DMD: variants seen among roughly 807,000 people sequenced by gnomAD.
DMD encodes dystrophin, also known as mutant dystrophin.
Under a neutral mutation model 330.1 loss-of-function variants are expected in DMD, and 63 were observed. That is an observed-to-expected ratio of 0.19 (90% confidence interval 0.16 to 0.24). The LOEUF (loss-of-function observed/expected upper bound fraction) is 0.24, where lower values mean the gene tolerates loss of function less well. Ranked by LOEUF, DMD falls within the 10% of genes least tolerant of loss-of-function variation. The pLI is 1.00. For missense variants in DMD, 3,344 were observed against 2,684.1 expected, an observed-to-expected ratio of 1.25 and a Z score of -5.43; for synonymous variants, 1,223 against 959.8, an observed-to-expected ratio of 1.27 and a Z score of -5.07.
At chrX:32,164,571 G>A (rs1348980238) in intron 44 of DMD, among the ~76,000 whole-genome samples, 1 of 111,923 alleles carries the variant, frequency 8.9e-6, no homozygotes, top group African/African-American at 3.2e-5. Context: ...AGGTCACAGA[G>A]CATAAAAGTT....
chrX:32,447,697 A>C (rs921827256), intron 27 of DMD, among the ~76,000 whole-genome samples: 2 of 111,930 alleles, frequency 1.8e-5, no homozygotes, highest in Non-Finnish European at 3.8e-5. Context: ...AAGGGGGCTT[A>C]AAGTCCAACT....
At chrX:32,856,028 G>A (rs968974118) in intron 2 of DMD, among the ~76,000 whole-genome samples, 3 of 112,054 alleles carry the variant, frequency 2.7e-5, no homozygotes, top group Non-Finnish European at 5.6e-5. Flanking sequence ...TTTCTCAAGA[G>A]ATGACACAAA....
intron 60 of DMD, among the ~76,000 whole-genome samples, chrX:31,379,026 T>C (rs1311229021): frequency 2.7e-5 from 3 of 110,679 alleles, no homozygotes; most frequent in Admixed American, 1.9e-4. Context: ...CCAGGCATTC[T>C]TTTACACATC....
At chrX:32,557,657 A>G (rs1461189962) in intron 16 of DMD, among the ~76,000 whole-genome samples, 1 of 111,936 alleles carries the variant, frequency 8.9e-6, no homozygotes, top group Non-Finnish European at 1.9e-5. Flanking sequence ...CCAACTCCAC[A>G]GGCATGGTAG....
intron 18 of DMD, among the ~76,000 whole-genome samples, chrX:32,503,622 C>G (rs2044289681): frequency 1.8e-5 from 2 of 111,356 alleles, no homozygotes; most frequent in Non-Finnish European, 3.8e-5. Context: ...GTGGCATGAT[C>G]TCAGCTCACT....
At chrX:32,132,262 G>A (rs1007572936) in intron 44 of DMD, among the ~76,000 whole-genome samples, 1 of 111,883 alleles carries the variant, frequency 8.9e-6, no homozygotes, top group Non-Finnish European at 1.9e-5. Context: ...TAAAAAATGT[G>A]CAAGGAAGCA....
intron 18 of DMD, among the ~76,000 whole-genome samples, chrX:32,515,486 C>T (rs112951240): frequency 8.1e-5 from 9 of 111,237 alleles, no homozygotes; most frequent in African/African-American, 2.9e-4. Flanking sequence ...TCAAGAGAAC[C>T]TCACAGAAGC....
intron 62 of DMD, among the ~76,000 whole-genome samples, chrX:31,316,642 T>A (rs2056037130): frequency 8.9e-6 from 1 of 112,108 alleles, no homozygotes; most frequent in Non-Finnish European, 1.9e-5. Context: ...TAACCTGAAT[T>A]GTTTTCATGA....
chrX:31,892,529 C>A, intron 47 of DMD, among the ~76,000 whole-genome samples: 2 of 110,994 alleles, frequency 1.8e-5, no homozygotes, highest in Middle Eastern at 4.7e-3. Context: ...GACAGGAATA[C>A]ATTCTGAGAG....
intron 44 of DMD, among the ~76,000 whole-genome samples, chrX:32,044,472 A>G (rs760825826): frequency 1.8e-4 from 20 of 109,521 alleles, no homozygotes; most frequent in African/African-American, 6.7e-4. Context: ...CCCAGGTTGG[A>G]GTGCAGTGGC....
chrX:31,480,423 C>T (rs2149262324), intron 57 of DMD, among the ~76,000 whole-genome samples: 1 of 111,176 alleles, frequency 9.0e-6, no homozygotes, highest in Admixed American at 9.6e-5. Flanking sequence ...AGGATTCAGC[C>T]TACAGATAGG....
chrX:32,976,938 G>A (rs958264022), intron 2 of DMD, among the ~76,000 whole-genome samples: 2 of 110,764 alleles, frequency 1.8e-5, no homozygotes, highest in African/African-American at 6.6e-5. Flanking sequence ...TACAAAAGAG[G>A]GTGTTCAGTC....
At chrX:32,027,164 GCACA>G (rs757441503) in intron 44 of DMD, among the ~76,000 whole-genome samples, 1 of 89,516 alleles carries the variant, frequency 1.1e-5, no homozygotes, top group Admixed American at 1.3e-4. Context: ...ACACGCACGT[GCACA>G]CACACACACA....
At chrX:31,802,650 C>T (rs758152487) in intron 50 of DMD, among the ~76,000 whole-genome samples, 8 of 111,400 alleles carry the variant, frequency 7.2e-5, no homozygotes, top group Non-Finnish European at 1.5e-4. Context: ...AGTGGTGCTA[C>T]AAAACCTGAA....
intron 1 of DMD, among the ~76,000 whole-genome samples, chrX:33,154,905 C>T (rs1015009642): frequency 8.9e-6 from 1 of 112,103 alleles, no homozygotes; most frequent in African/African-American, 3.2e-5. Flanking sequence ...AAAGTGAAAA[C>T]AATGACATTC....
intron 7 of DMD, among the ~76,000 whole-genome samples, chrX:32,765,687 T>C (rs1346642800): frequency 1.8e-5 from 2 of 111,965 alleles, no homozygotes; most frequent in African/African-American, 6.5e-5. Context: ...TGTTCATTCA[T>C]GCACAGAAGT....
rs747127624 is a variant in DMD at position 31,679,448 on chromosome X, C to T, written c.7799G>A (p.Arg2600Lys). The change falls in exon 53 of 79, where the codon AGA becomes AAA. Residue 2600 changes from arginine to lysine, a missense_variant. Transcript: ENST00000357033. ...CTCCTTCCATGACTCAAGCTTGGCT[C>T]TGGCCTGTCCTAAGACCTGCTCAGC... Reference protein sequence around the residue: ...EEAEQVLGQARAKLESWKEGP... With the variant: ...EEAEQVLGQAKAKLESWKEGP... 7 of 1,211,761 alleles carry T rather than the reference C, an allele frequency of 5.8e-6. No individual in the cohort carries two copies. The highest frequency in any genetic ancestry group is 6.7e-6 in the Non-Finnish European group (6 of 895,467).
At chrX:31,149,747 T>C (rs1026055718) in intron 74 of DMD, among the ~76,000 whole-genome samples, 15 of 112,136 alleles carry the variant, frequency 1.3e-4, no homozygotes, top group African/African-American at 4.2e-4. Context: ...TTTAATTATA[T>C]ACCAAAAGTT....
chrX:32,541,159 T>G (rs2048446630), intron 17 of DMD, among the ~76,000 whole-genome samples: 1 of 111,750 alleles, frequency 8.9e-6, no homozygotes, highest in African/African-American at 3.3e-5. Flanking sequence ...AAATTCTGTT[T>G]TGAAGAGGAA....
Sources: allele counts gnomAD v4.1 joint callset (sites outside exome capture counted in the v4.1 genomes callset), GRCh38; gene constraint gnomAD v4.1.1; transcripts MANE v1.5; gene names NCBI Gene and HGNC (gene_info 2026-07-23, HGNC 2026-07-21).